Variants in ZBTB20 observed in about 807,000 individuals in gnomAD.
The protein encoded by ZBTB20 is zinc finger and BTB domain containing 20, also known as zinc finger and BTB domain-containing protein 20.
Under a neutral mutation model 56.9 loss-of-function variants are expected in ZBTB20, and 9 were observed. The observed-to-expected ratio is 0.16, with a 90% CI of 0.10 to 0.28. The LOEUF is 0.28. Among genes scored for constraint, ZBTB20 ranks in the 10% least tolerant of loss-of-function variants. The pLI, the probability that ZBTB20 is intolerant of heterozygous loss-of-function variation, is 1.00. For synonymous variants in ZBTB20, 417 were observed against 420.7 expected (o/e 0.99, Z 0.11); for missense variants, 655 against 1,003.0 (o/e 0.65, Z 4.69).
chr3:115,104,546 T>C (rs1560575611), intron 1 of ZBTB20, among the ~76,000 whole-genome samples: 1 of 152,286 alleles, frequency 6.6e-6, no homozygotes, highest in East Asian at 1.9e-4. Flanking sequence ...AAAAGACATG[T>C]AGGAAACTTA....
At chr3:114,969,657 C>T (rs1002194113) in intron 3 of ZBTB20, among the ~76,000 whole-genome samples, 4 of 152,130 alleles carry the variant, frequency 2.6e-5, no homozygotes, top group African/African-American at 9.7e-5. Context: ...ATGGCAAATA[C>T]TCTATAACCA....
intron 7 of ZBTB20, among the ~76,000 whole-genome samples, chr3:114,498,066 C>T (rs2043489834): frequency 6.6e-6 from 1 of 152,134 alleles, no homozygotes; most frequent in Non-Finnish European, 1.5e-5. Flanking sequence ...ACACCCTTTT[C>T]AAGACTTAAT....
At chr3:114,546,857 T>C (rs531661390) in intron 6 of ZBTB20, among the ~76,000 whole-genome samples, 1 of 152,266 alleles carries the variant, frequency 6.6e-6, no homozygotes, top group African/African-American at 2.4e-5. Flanking sequence ...AAAAAGAATT[T>C]GGAAGAAAGT....
At chr3:114,662,993 A>G (rs1347948987) in intron 6 of ZBTB20, among the ~76,000 whole-genome samples, 2 of 150,396 alleles carry the variant, frequency 1.3e-5, no homozygotes, top group African/African-American at 2.4e-5. Context: ...AACTTCCCCA[A>G]TCTAGCAAGG....
intron 2 of ZBTB20, among the ~76,000 whole-genome samples, chr3:115,006,488 T>G (rs1228881048): frequency 1.3e-5 from 2 of 151,356 alleles, no homozygotes; most frequent in Admixed American, 1.3e-4. Flanking sequence ...TATAACCATT[T>G]GTCCTTAGTA....
chr3:114,876,095 G>A (rs1329620170), intron 4 of ZBTB20, among the ~76,000 whole-genome samples: 1 of 151,128 alleles, frequency 6.6e-6, no homozygotes, highest in African/African-American at 2.4e-5. Flanking sequence ...AAATTAGCGG[G>A]GTATGGTGGC....
chr3:115,125,195 T>A (rs2084292108), intron 1 of ZBTB20, among the ~76,000 whole-genome samples: 1 of 151,750 alleles, frequency 6.6e-6, no homozygotes, highest in African/African-American at 2.4e-5. Flanking sequence ...ATTAAAAAAT[T>A]AACTGAGCAT....
At chr3:114,626,864 T>C (rs1234783837) in intron 6 of ZBTB20, among the ~76,000 whole-genome samples, 2 of 152,206 alleles carry the variant, frequency 1.3e-5, no homozygotes, top group Non-Finnish European at 2.9e-5. Context: ...GCCTAATTGA[T>C]TAATTGTGGG....
At chr3:114,887,639 T>C (rs182781821) in intron 4 of ZBTB20, among the ~76,000 whole-genome samples, 120 of 152,206 alleles carry the variant, frequency 7.9e-4, no homozygotes, top group African/African-American at 2.4e-3. Context: ...CAGGGAAAGA[T>C]TTTCACTGTG....
intron 4 of ZBTB20, among the ~76,000 whole-genome samples, chr3:114,885,135 A>T (rs890320624): frequency 6.6e-6 from 1 of 152,188 alleles, no homozygotes; most frequent in Non-Finnish European, 1.5e-5. Flanking sequence ...GAGGAGGATA[A>T]ACTGGTTGCC....
chr3:114,399,167 G>A (rs894925959), intron 7 of ZBTB20, among the ~76,000 whole-genome samples: 1 of 152,064 alleles, frequency 6.6e-6, no homozygotes, highest in Non-Finnish European at 1.5e-5. Context: ...CTTAGTCAGG[G>A]AGTTTTATTA....
At chr3:114,708,048 G>C (rs757457779) in intron 5 of ZBTB20, among the ~76,000 whole-genome samples, 6 of 152,138 alleles carry the variant, frequency 3.9e-5, no homozygotes, top group Non-Finnish European at 7.3e-5. Context: ...ACAAGCAAGA[G>C]AGGTAAGGTT....
intron 6 of ZBTB20, among the ~76,000 whole-genome samples, chr3:114,653,719 T>C (rs568777517): frequency 6.6e-6 from 1 of 152,090 alleles, no homozygotes; most frequent in South Asian, 2.1e-4. Context: ...TTAAATGTTA[T>C]ATAGAATTCT....
chr3:114,406,232 T>G (rs2087311334), intron 7 of ZBTB20, among the ~76,000 whole-genome samples: 1 of 152,282 alleles, frequency 6.6e-6, no homozygotes, highest in South Asian at 2.1e-4. Context: ...CACTCTATAG[T>G]ACAGCAGGCT....
chr3:114,754,937 T>C (rs189259684), intron 5 of ZBTB20, among the ~76,000 whole-genome samples: 1 of 152,196 alleles, frequency 6.6e-6, no homozygotes, highest in Non-Finnish European at 1.5e-5. Context: ...TTTACACTCA[T>C]ATACTAGAAA....
intron 3 of ZBTB20, among the ~76,000 whole-genome samples, chr3:114,957,510 C>T (rs1046053914): frequency 9.2e-5 from 14 of 152,040 alleles, no homozygotes; most frequent in African/African-American, 3.4e-4. Flanking sequence ...GTATGAAAAC[C>T]ACTGCCGTAA....
intron 6 of ZBTB20, among the ~76,000 whole-genome samples, chr3:114,577,978 G>C (rs548881907): frequency 6.6e-6 from 1 of 152,190 alleles, no homozygotes; most frequent in African/African-American, 2.4e-5. Flanking sequence ...ATCAATAATT[G>C]TAACATTCAC....
chr3:115,013,798 C>A (rs576756951), intron 2 of ZBTB20, among the ~76,000 whole-genome samples: 1 of 151,610 alleles, frequency 6.6e-6, no homozygotes, highest in East Asian at 2.0e-4. Context: ...GAAAAGGGAA[C>A]CCTTGTACAC....
At chr3:114,912,529 G>A (rs990491211) in intron 3 of ZBTB20, among the ~76,000 whole-genome samples, 2 of 151,406 alleles carry the variant, frequency 1.3e-5, no homozygotes, top group African/African-American at 4.8e-5. Context: ...TTTTGATATA[G>A]GCACATAATG....
Sources: allele counts gnomAD v4.1 joint callset (sites outside exome capture counted in the v4.1 genomes callset), GRCh38; gene constraint gnomAD v4.1.1; transcripts MANE v1.5; gene names NCBI Gene and HGNC (gene_info 2026-07-23, HGNC 2026-07-21).